SLCO2B1: variants seen among roughly 807,000 people sequenced by gnomAD.
The protein encoded by SLCO2B1 is OATP-RP2.
SLCO2B1 carries 41 observed loss-of-function variants against 67.3 expected under a neutral mutation model. The observed-to-expected ratio is 0.61, with a 90% CI of 0.47 to 0.79. The LOEUF is 0.79. Ranked by LOEUF, SLCO2B1 falls within the 30% of genes least tolerant of loss-of-function variation. The probability of loss-of-function intolerance (pLI) is 0.00; values close to 1 mark genes in which losing one functional copy is unlikely to be tolerated. For synonymous variants in SLCO2B1, 379 were observed against 381.4 expected (o/e 0.99, Z 0.07); for missense variants, 837 against 920.1 (o/e 0.91, Z 1.17).
intron 10 of SLCO2B1, among the ~76,000 whole-genome samples, chr11:75,196,895 C>T (rs1296480597): frequency 1.3e-5 from 2 of 152,156 alleles, no homozygotes; most frequent in Non-Finnish European, 2.9e-5. Flanking sequence ...TTTGGGAGGC[C>T]GAGGCAGGCA....
At chr11:75,158,290 G>C (rs1193854503) in intron 1 of SLCO2B1, among the ~76,000 whole-genome samples, 1 of 152,088 alleles carries the variant, frequency 6.6e-6, no homozygotes, top group African/African-American at 2.4e-5. Context: ...TGCCCAGGCT[G>C]GTTTATTATT....
Position 75,163,945 on chromosome 11 carries a change from C to T in SLCO2B1, c.148-18C>T. The stretch of plus-strand genomic sequence containing the variant: ...CCCTGCACCGCCCACCTCTGCCTGC[C>T]TCCGGGTCCCCCCACAGCTGTTCGT... On this transcript the variant is annotated intron_variant, in intron 2 of 13. Coordinates refer to ENST00000289575, the MANE Select transcript of SLCO2B1 (RefSeq NM_007256.5). 2 of 1,588,864 alleles carry T rather than the reference C, an allele frequency of 1.3e-6. No homozygotes were observed. The highest frequency in any genetic ancestry group is 2.3e-5 in the South Asian group (2 of 87,246).
At position 75,169,374 on chromosome 11, in the gene SLCO2B1, T is replaced by A. The variant is rs1385088765; in HGVS notation, c.650T>A (p.Phe217Tyr). The stretch of plus-strand genomic sequence containing the variant: ...TTTGGCATCTCCTACATCGATGACT[T>A]TGCCCACAACAGCAACTCGCCCCTC... Reference protein sequence around the residue: ...QPFGISYIDDFAHNSNSPLYL... With the variant: ...QPFGISYIDDYAHNSNSPLYL... Residue 217 changes from phenylalanine (F) to tyrosine (Y), a missense_variant, in exon 5 of 14, where the codon TTT becomes TAT. Transcript: ENST00000289575. The A allele has an allele frequency of 6.2e-7, 1 of 1,608,128 alleles. No individual in the cohort carries two copies.
At chr11:75,156,899 G>C (rs1326403266) in intron 1 of SLCO2B1, among the ~76,000 whole-genome samples, 3 of 152,228 alleles carry the variant, frequency 2.0e-5, no homozygotes, top group African/African-American at 4.8e-5. Context: ...AGGACAACCA[G>C]AGGGCATTCT....
At position 75,204,521 on chromosome 11, in the gene SLCO2B1, G is replaced by A. The variant is rs149765874; in HGVS notation, c.2071G>A (p.Val691Ile). The A allele has an allele frequency of 1.4e-4, 228 of 1,613,296 alleles. No individual in the cohort carries two copies. Among genetic ancestry groups the A allele is most frequent in the South Asian group, 9.5e-4 (86 of 90,842 alleles). ...RTKESRSSPA[V>I]EQQLLVSGPG... ...CAAAGAGAGCAGATCCAGCCCTGCC[G>A]TAGAGCAGCAATTGCTAGTGTCGGG... Residue 691 changes from valine to isoleucine, a missense_variant, in exon 14 of 14, where the codon GTA (valine) becomes ATA (isoleucine). Physicochemically the swap from Val to Ile is conservative, Grantham distance 29. Coordinates refer to ENST00000289575, the MANE Select transcript of SLCO2B1 (RefSeq NM_007256.5).
At chr11:75,186,077 T>C (rs1944925350) in intron 7 of SLCO2B1, among the ~76,000 whole-genome samples, 1 of 152,160 alleles carries the variant, frequency 6.6e-6, no homozygotes. Context: ...CTCATTTTCC[T>C]ACCCCTCAGT....
chr11:75,170,077 C>T (rs914413620), intron 6 of SLCO2B1: 12 of 306,644 alleles, frequency 3.9e-5, no homozygotes, highest in Non-Finnish European at 7.4e-5. Flanking sequence ...CTTCAACAGG[C>T]CCTCAGCCCC....
At chr11:75,162,958 G>C in intron 2 of SLCO2B1, 173 bp downstream of exon 2, 1 of 720,164 alleles carries the variant, frequency 1.4e-6, no homozygotes, top group Non-Finnish European at 2.2e-6. Context: ...TGGGTTTCGG[G>C]CACATGGAAG....
chr11:75,175,013 A>G (rs911362873), intron 7 of SLCO2B1, among the ~76,000 whole-genome samples: 21 of 152,158 alleles, frequency 1.4e-4, no homozygotes, highest in African/African-American at 5.1e-4. Flanking sequence ...CGGAGCTGCT[A>G]TGATTCAGAT....
At chr11:75,159,464 C>A (rs1949787284) in intron 1 of SLCO2B1, among the ~76,000 whole-genome samples, 1 of 152,226 alleles carries the variant, frequency 6.6e-6, no homozygotes, top group South Asian at 2.1e-4. Flanking sequence ...CAGGGGTGGC[C>A]CCTGACAAAG....
At chr11:75,169,112 G>A (rs931325724) in intron 4 of SLCO2B1, 61 bp from the exon 5 acceptor site, 22 of 1,341,910 alleles carry the variant, frequency 1.6e-5, no homozygotes, top group East Asian at 1.5e-4. Flanking sequence ...ACCTTCCCCC[G>A]GGGTAAGCGC....
intron 10 of SLCO2B1, 150 bp from the exon 11 acceptor site, chr11:75,200,074 C>T: frequency 8.1e-6 from 6 of 741,884 alleles, no homozygotes; most frequent in South Asian, 1.9e-5. Flanking sequence ...CTTTGCTCAG[C>T]CAACGGGTCA....
At position 75,204,406 on chromosome 11, in the gene SLCO2B1, C is replaced by T. The variant is rs767181521; in HGVS notation, c.1956C>T (p.Ile652=). 24 of 1,601,462 alleles carry T rather than the reference C, an allele frequency of 1.5e-5. No homozygotes were observed. The highest frequency in any genetic ancestry group is 2.3e-5 in the South Asian group (2 of 88,698). The change falls in exon 14 of 14, where the codon ATC becomes ATT. Residue 652 remains isoleucine, a synonymous_variant. Coordinates refer to ENST00000289575, the MANE Select transcript of SLCO2B1 (RefSeq NM_007256.5). ...YNNDLLRNRF[I]GLQFFFKTGS... is the part of the protein sequence containing the mutation. ...GTCCCCATTCTTTCCCCAGGTTCAT[C>T]GGCCTCCAGTTCTTCTTCAAAACAG...
chr11:75,169,303 C>T lies in SLCO2B1; in HGVS notation c.579C>T (p.Phe193=), dbSNP rs553595767. ...TQHLSVVGIM[F]VAQTLLGVGG... is the part of the protein sequence containing the mutation. ...ATCTGAGTGTGGTGGGGATCATGTTCGTGGCACAGACCCTGCTGGGCGTGG... is the reference window on the plus strand; with the variant it reads ...ATCTGAGTGTGGTGGGGATCATGTTTGTGGCACAGACCCTGCTGGGCGTGG... The change falls in exon 5 of 14, where the codon TTC becomes TTT. Residue 193 remains phenylalanine (F), a synonymous_variant. Coordinates refer to ENST00000289575, the MANE Select transcript of SLCO2B1 (RefSeq NM_007256.5). 9 of 1,614,038 alleles carry T rather than the reference C, an allele frequency of 5.6e-6. No homozygotes were observed. The highest frequency in any genetic ancestry group is 4.0e-5 in the African/African-American group (3 of 74,938).
At chr11:75,152,865 G>A (rs901994737) in intron 1 of SLCO2B1, among the ~76,000 whole-genome samples, 1 of 152,156 alleles carries the variant, frequency 6.6e-6, no homozygotes, top group African/African-American at 2.4e-5. Flanking sequence ...CTACTCTGAG[G>A]GGTGTGGGAA....
At chr11:75,192,557 G>A (rs1158861422) in intron 8 of SLCO2B1, among the ~76,000 whole-genome samples, 1 of 152,116 alleles carries the variant, frequency 6.6e-6, no homozygotes, top group Non-Finnish European at 1.5e-5. Context: ...GAACTGGGTG[G>A]GGCGGGGGAG....
intron 13 of SLCO2B1, 179 bp downstream of exon 13, chr11:75,203,606 A>G: frequency 1.4e-6 from 1 of 718,224 alleles, no homozygotes; most frequent in Non-Finnish European, 2.2e-6. Flanking sequence ...CCCTCCTTTT[A>G]TAGATGAGGA....
chr11:75,164,121 CA>C (rs1949858147), intron 3 of SLCO2B1, 21 bp downstream of exon 3: 1 of 1,602,964 alleles, frequency 6.2e-7, no homozygotes, highest in African/African-American at 1.3e-5. Context: ...CACCCAGCCA[CA>C]GGGGTGGACA....
chr11:75,155,663 G>A (rs1292773799), intron 1 of SLCO2B1, among the ~76,000 whole-genome samples: 1 of 152,156 alleles, frequency 6.6e-6, no homozygotes, highest in Non-Finnish European at 1.5e-5. Context: ...TCACCATGTT[G>A]GCCAGGCTGG....
Sources: gnomAD v4.1 joint callset for allele counts (sites outside exome capture counted in the v4.1 genomes callset) on GRCh38, gnomAD v4.1.1 for gene constraint, MANE v1.5 for transcripts, NCBI Gene and HGNC (gene_info 2026-07-23, HGNC 2026-07-21) for gene names.